FHIT: variants seen among roughly 807,000 people sequenced by gnomAD.
FHIT encodes bis(5'-adenosyl)-triphosphatase.
Under a neutral mutation model 17.9 loss-of-function variants are expected in FHIT, and 19 were observed. That is an observed-to-expected ratio of 1.06 (90% CI 0.74 to 1.56). FHIT has a LOEUF of 1.56. Among genes scored for constraint, FHIT ranks in the 40% most tolerant of loss-of-function variants. The probability of loss-of-function intolerance (pLI) is 0.00; values close to 1 mark genes in which losing one functional copy is unlikely to be tolerated. For missense variants in FHIT, 248 were observed against 189.2 expected (o/e 1.31, Z -1.82); for synonymous variants, 81 against 69.7 (o/e 1.16, Z -0.81).
At chr3:60,702,037 A>G (rs2041259814) in intron 4 of FHIT, among the ~76,000 whole-genome samples, 1 of 152,110 alleles carries the variant, frequency 6.6e-6, no homozygotes, top group Non-Finnish European at 1.5e-5. Flanking sequence ...AATTTTTTGT[A>G]TATTTTATAC....
chr3:60,575,832 G>A (rs1232736566), intron 4 of FHIT, among the ~76,000 whole-genome samples: 1 of 152,074 alleles, frequency 6.6e-6, no homozygotes, highest in Non-Finnish European at 1.5e-5. Flanking sequence ...GAGGGATGCC[G>A]GGACACCAAA....
At chr3:61,149,390 TAAATA>T (rs1457530703) in intron 2 of FHIT, among the ~76,000 whole-genome samples, 4 of 151,852 alleles carry the variant, frequency 2.6e-5, no homozygotes, top group African/African-American at 7.2e-5. Flanking sequence ...GTAATAAAAT[TAAATA>T]AAAGTAATAA....
intron 4 of FHIT, among the ~76,000 whole-genome samples, chr3:60,709,352 G>T (rs558148514): frequency 6.6e-6 from 1 of 152,090 alleles, no homozygotes; most frequent in Non-Finnish European, 1.5e-5. Flanking sequence ...ATATTATTAG[G>T]GTTGAAGTGT....
intron 3 of FHIT, among the ~76,000 whole-genome samples, chr3:60,854,543 C>G (rs112428164): frequency 1.4e-5 from 2 of 140,998 alleles, no homozygotes; most frequent in African/African-American, 5.2e-5. Flanking sequence ...ATGAATGCCC[C>G]AGCCTACTTC....
chr3:60,055,233 A>C (rs1336358575), intron 5 of FHIT, among the ~76,000 whole-genome samples: 2 of 151,984 alleles, frequency 1.3e-5, no homozygotes, highest in Non-Finnish European at 2.9e-5. Flanking sequence ...TTCAGGAGGG[A>C]TTTCATTGTC....
chr3:59,997,936 C>A (rs1295971331), intron 7 of FHIT, among the ~76,000 whole-genome samples: 2 of 151,978 alleles, frequency 1.3e-5, no homozygotes, highest in Non-Finnish European at 2.9e-5. Context: ...CCTTAAATTT[C>A]TTCCCTATTT....
intron 8 of FHIT, among the ~76,000 whole-genome samples, chr3:59,794,712 T>A (rs1373454392): frequency 6.6e-6 from 1 of 152,216 alleles, no homozygotes; most frequent in Non-Finnish European, 1.5e-5. Context: ...TTATTTATAG[T>A]ATCTCATTAA....
intron 1 of FHIT, among the ~76,000 whole-genome samples, chr3:61,250,911 G>A (rs2040607637): frequency 6.6e-6 from 1 of 152,202 alleles, no homozygotes; most frequent in Non-Finnish European, 1.5e-5. Flanking sequence ...AGAGCTGCGT[G>A]TTTAACACAG....
At chr3:60,870,963 A>T (rs921070243) in intron 3 of FHIT, among the ~76,000 whole-genome samples, 4 of 152,090 alleles carry the variant, frequency 2.6e-5, no homozygotes, top group Non-Finnish European at 4.4e-5. Flanking sequence ...CCCTTGGAGC[A>T]TTTCCTCGTT....
chr3:60,866,645 G>A (rs1704178000), intron 3 of FHIT, among the ~76,000 whole-genome samples: 1 of 152,196 alleles, frequency 6.6e-6, no homozygotes, highest in Non-Finnish European at 1.5e-5. Context: ...GCAGTTTTAA[G>A]CAGTTGAGTT....
At chr3:60,888,835 T>A (rs6787911) in intron 3 of FHIT, among the ~76,000 whole-genome samples, 41,951 of 152,138 alleles carry the variant, frequency 0.28, 7,020 homozygotes, top group African/African-American at 0.46. Context: ...AGAAATAATA[T>A]AGACAGATCT....
intron 3 of FHIT, among the ~76,000 whole-genome samples, chr3:60,926,564 G>A (rs1707626686): frequency 6.6e-6 from 1 of 152,206 alleles, no homozygotes; most frequent in Admixed American, 6.5e-5. Context: ...GCAGTGTGTA[G>A]AGGGAAATTT....
intron 5 of FHIT, among the ~76,000 whole-genome samples, chr3:60,500,400 A>C (rs1159042042): frequency 6.6e-6 from 1 of 152,208 alleles, no homozygotes; most frequent in Non-Finnish European, 1.5e-5. Flanking sequence ...GTTTTTATTC[A>C]AACACTTTTA....
At chr3:60,021,597 G>A (rs1303646777) in intron 5 of FHIT, among the ~76,000 whole-genome samples, 1 of 152,186 alleles carries the variant, frequency 6.6e-6, no homozygotes, top group Non-Finnish European at 1.5e-5. Flanking sequence ...ACATTTGTTT[G>A]CTGCCTAGTA....
At chr3:59,751,987 T>C in intron 9 of FHIT, 1 of 430,682 alleles carries the variant, frequency 2.3e-6, no homozygotes, top group South Asian at 5.4e-5. Context: ...GGTGGTGGGC[T>C]GGGGGCACTG....
chr3:60,681,639 T>C (rs1279521143), intron 4 of FHIT, among the ~76,000 whole-genome samples: 2 of 152,180 alleles, frequency 1.3e-5, no homozygotes, highest in African/African-American at 4.8e-5. Flanking sequence ...CCAATGAACA[T>C]ACAAATGATA....
chr3:60,855,815 C>G (rs1471560837), intron 3 of FHIT, among the ~76,000 whole-genome samples: 1 of 152,052 alleles, frequency 6.6e-6, no homozygotes, highest in Non-Finnish European at 1.5e-5. Context: ...GTTTCCCTCT[C>G]TCCAGCCCTA....
intron 3 of FHIT, among the ~76,000 whole-genome samples, chr3:60,968,401 A>G (rs1709850108): frequency 1.3e-5 from 2 of 149,744 alleles, no homozygotes; most frequent in African/African-American, 4.9e-5. Flanking sequence ...CAAATTAAGT[A>G]TGAAGTCTGC....
intron 5 of FHIT, among the ~76,000 whole-genome samples, chr3:60,487,775 A>T (rs2107492597): frequency 6.6e-6 from 1 of 152,284 alleles, no homozygotes; most frequent in East Asian, 1.9e-4. Context: ...TTGACAAGTC[A>T]GAGATGATGA....
Sources: allele counts gnomAD v4.1 joint callset (sites outside exome capture counted in the v4.1 genomes callset), GRCh38; gene constraint gnomAD v4.1.1; transcripts MANE v1.5; gene names NCBI Gene and HGNC (gene_info 2026-07-23, HGNC 2026-07-21).